The following ABCC3 variants were observed in gnomAD, a reference collection of about 807,000 sequenced individuals.
ABCC3 encodes ATP binding cassette subfamily C member 3, also known as ATP-binding cassette sub-family C member 3.
ABCC3 carries 121 observed loss-of-function variants against 165.3 expected under a neutral mutation model. That is an observed-to-expected ratio of 0.73 (90% confidence interval 0.63 to 0.85). ABCC3 has a LOEUF of 0.85. Among genes scored for constraint, ABCC3 ranks in the 40% least tolerant of loss-of-function variants. The probability of loss-of-function intolerance (pLI) is 0.00; values close to 1 mark genes in which losing one functional copy is unlikely to be tolerated. For synonymous variants in ABCC3, 733 were observed against 810.1 expected (o/e 0.90, Z 1.62); for missense variants, 1,869 against 1,964.1 (o/e 0.95, Z 0.92).
rs558597536 is a variant in ABCC3 at position 50,663,760 on chromosome 17, T to C, written c.1078T>C (p.Ser360Pro). Residue 360 changes from serine (S) to proline (P), a missense_variant, in exon 9 of 31, where the codon TCC (serine) becomes CCC (proline). Physicochemically the swap from Ser to Pro is moderately conservative, Grantham distance 74. Transcript: ENST00000285238. ...GGTGGCTGGGCTGATGTTCCTGTGC[T>C]CCATGATGCAGTCGCTGATCTTACA... ...FLVAGLMFLC[S>P]MMQSLILQHY... is the part of the protein sequence containing the mutation. 1.9e-6 allele frequency: 3 copies of C among 1,614,214 alleles called. No homozygotes were observed. The highest frequency in any genetic ancestry group is 2.7e-5 in the African/African-American group (2 of 75,062).
intron 30 of ABCC3, among the ~76,000 whole-genome samples, chr17:50,690,516 C>G (rs1293682843): frequency 6.6e-6 from 1 of 152,182 alleles, no homozygotes; most frequent in African/African-American, 2.4e-5. Context: ...TGGAGCCAGC[C>G]CACTGGCCTT....
At position 50,673,617 on chromosome 17, in the gene ABCC3, C is replaced by A. The variant is rs200413276; in HGVS notation, c.2558C>A (p.Ala853Asp). ...GSFANFLCNY[A>D]PDEDQGHLED... Reference sequence around the variant, plus strand: ...TTTGCCAACTTTCTCTGCAACTATGCCCCCGATGAGGACCAAGGGCACCTG... The same window carrying A: ...TTTGCCAACTTTCTCTGCAACTATGACCCCGATGAGGACCAAGGGCACCTG... The change falls in exon 19 of 31, where the codon GCC (alanine) becomes GAC (aspartate). Residue 853 changes from alanine to aspartate, a missense_variant. Physicochemically the swap from Ala to Asp is moderately radical, Grantham distance 126. Coordinates refer to ENST00000285238, the MANE Select transcript of ABCC3 (RefSeq NM_003786.4). 3.8e-4 allele frequency: 621 copies of A among 1,614,202 alleles called. No homozygotes were observed. Among genetic ancestry groups the A allele is most frequent in the Non-Finnish European group, 4.9e-4 (576 of 1,180,026 alleles).
At chr17:50,684,933 G>T (rs1326736555) in intron 29 of ABCC3, 58 bp downstream of exon 29, 3 of 1,578,074 alleles carry the variant, frequency 1.9e-6, no homozygotes, top group African/African-American at 2.7e-5. Flanking sequence ...AACCCTGGCG[G>T]GTGCTGGGAA....
intron 17 of ABCC3, among the ~76,000 whole-genome samples, chr17:50,672,446 C>T (rs1477615606): frequency 6.6e-6 from 1 of 152,192 alleles, no homozygotes; most frequent in East Asian, 1.9e-4. Flanking sequence ...CCAAGCTGGG[C>T]AGGGTGGTGA....
Position 50,675,526 on chromosome 17 carries a change from C to T in ABCC3, c.2714+50C>T, listed in dbSNP as rs182714001. 1.3e-5 allele frequency: 21 copies of T among 1,591,826 alleles called. No homozygotes were observed. The East Asian group carries it at 4.7e-4, about 36-fold the overall frequency. On this transcript the variant is annotated intron_variant, in intron 20 of 30. Transcript: ENST00000285238. Reference sequence around the variant, plus strand: ...CTCCCGGAGGCTGTATCAGGCCTCCCCAGGCCCTGCCAGATGGGGTGCAGG... The same window carrying T: ...CTCCCGGAGGCTGTATCAGGCCTCCTCAGGCCCTGCCAGATGGGGTGCAGG...
At chr17:50,650,264 C>T (rs1394559975) in intron 1 of ABCC3, among the ~76,000 whole-genome samples, 1 of 152,142 alleles carries the variant, frequency 6.6e-6, no homozygotes, top group African/African-American at 2.4e-5. Flanking sequence ...TGCCACCACA[C>T]CCGGCTTATT....
At chr17:50,673,289 G>A (rs1967687716) in intron 18 of ABCC3, 151 bp downstream of exon 18, 1 of 1,238,638 alleles carries the variant, frequency 8.1e-7, no homozygotes, top group Non-Finnish European at 1.1e-6. Flanking sequence ...AACCTGTGGG[G>A]ACAACTCCCC....
At chr17:50,684,252 C>T (rs1183979225) in intron 28 of ABCC3, 145 bp downstream of exon 28, 2 of 1,120,448 alleles carry the variant, frequency 1.8e-6, no homozygotes, top group African/African-American at 3.2e-5. Context: ...GAAGCAGAGC[C>T]ATCAGTGAGC....
Position 50,655,921 on chromosome 17 carries a change from G to T in ABCC3, c.135G>T (p.Leu45=), listed in dbSNP as rs201851809. ...SLLAWVPCIY[L]WVALPCYLLY... ...TGGCCTGGGTGCCCTGCATCTACCTGTGGGTCGCCCTGCCCTGCTACTTGC... is the reference window on the plus strand; with the variant it reads ...TGGCCTGGGTGCCCTGCATCTACCTTTGGGTCGCCCTGCCCTGCTACTTGC... The change falls in exon 2 of 31, where the codon CTG becomes CTT. Residue 45 remains leucine, a synonymous_variant. Coordinates refer to ENST00000285238, the MANE Select transcript of ABCC3 (RefSeq NM_003786.4). 450 of 1,614,070 alleles carry T rather than the reference G, an allele frequency of 2.8e-4. 3 individuals are homozygous for T. In the East Asian group the frequency reaches 9.2e-3, roughly 33 times the overall value.
chr17:50,645,440 A>C (rs1966987854), intron 1 of ABCC3, among the ~76,000 whole-genome samples: 1 of 150,274 alleles, frequency 6.7e-6, no homozygotes, highest in Non-Finnish European at 1.5e-5. Flanking sequence ...ATTATTCAAC[A>C]GTTCACATAG....
intron 10 of ABCC3, chr17:50,664,600 G>A (rs1464327806): frequency 5.2e-6 from 1 of 192,242 alleles, no homozygotes; most frequent in Non-Finnish European, 1.1e-5. Flanking sequence ...CTACTCAGGA[G>A]GCTGAGGCAG....
chr17:50,675,186 AAG>A (rs1967772675), intron 19 of ABCC3, among the ~76,000 whole-genome samples, 174 bp from the exon 20 acceptor site: 1 of 152,122 alleles, frequency 6.6e-6, no homozygotes, highest in Non-Finnish European at 1.5e-5. Flanking sequence ...ATAATTTGTG[AAG>A]AGAGTTTTTC....
At chr17:50,680,800 C>T (rs544900168) in intron 26 of ABCC3, among the ~76,000 whole-genome samples, 1 of 152,164 alleles carries the variant, frequency 6.6e-6, no homozygotes, top group Non-Finnish European at 1.5e-5. Flanking sequence ...GGAGGCGGGG[C>T]ACAGTGACTC....
At chr17:50,655,404 C>CAAAAAAAAAAAAA (rs58586394) in intron 1 of ABCC3, among the ~76,000 whole-genome samples, 2 of 56,506 alleles carry the variant, frequency 3.5e-5, no homozygotes, top group South Asian at 8.6e-4. Flanking sequence ...GACTCTGTCT[C>CAAAAAAAAAAAAA]AAAAAAAAAA....
intron 1 of ABCC3, among the ~76,000 whole-genome samples, chr17:50,655,413 A>AAAAAAAC (rs1967211440): frequency 6.7e-6 from 1 of 149,338 alleles, no homozygotes; most frequent in African/African-American, 2.4e-5. Context: ...TCAAAAAAAA[A>AAAAAAAC]AAAAAAAACA....
chr17:50,654,133 T>C (rs1967173644), intron 1 of ABCC3, among the ~76,000 whole-genome samples: 1 of 152,174 alleles, frequency 6.6e-6, no homozygotes, highest in African/African-American at 2.4e-5. Context: ...AATTCAAAGA[T>C]GTATGAGCAT....
intron 17 of ABCC3, 145 bp from the exon 18 acceptor site, chr17:50,672,826 C>T: frequency 3.0e-6 from 2 of 675,008 alleles, no homozygotes; most frequent in East Asian, 2.8e-5. Flanking sequence ...GAGCCAAGAT[C>T]GCACCACTGC....
intron 29 of ABCC3, 83 bp from the exon 30 acceptor site, chr17:50,687,453 G>A: frequency 2.2e-6 from 3 of 1,386,034 alleles, no homozygotes; most frequent in South Asian, 1.3e-5. Flanking sequence ...CTGGGCCACT[G>A]AGGAGTGAAA....
intron 1 of ABCC3, among the ~76,000 whole-genome samples, chr17:50,649,988 T>C (rs968733781): frequency 3.9e-5 from 6 of 152,218 alleles, no homozygotes; most frequent in Admixed American, 6.5e-5. Context: ...ACAGAATCTT[T>C]GTTTTCTAGG....
Sources: gnomAD v4.1 joint callset for allele counts (sites outside exome capture counted in the v4.1 genomes callset) on GRCh38, gnomAD v4.1.1 for gene constraint, MANE v1.5 for transcripts, NCBI Gene and HGNC (gene_info 2026-07-23, HGNC 2026-07-21) for gene names.